HSD17B12: variants seen among roughly 807,000 people sequenced by gnomAD.
HSD17B12 encodes very-long-chain 3-oxoacyl-CoA reductase.
Under a neutral mutation model 39.3 loss-of-function variants are expected in HSD17B12, and 32 were observed. The observed-to-expected ratio is 0.81, with a 90% CI of 0.61 to 1.09. HSD17B12 has a LOEUF of 1.09. Ranked by LOEUF, HSD17B12 falls within the 50% of genes least tolerant of loss-of-function variation. HSD17B12 has a pLI of 0.00. For synonymous variants in HSD17B12, 150 were observed against 146.7 expected, an observed-to-expected ratio of 1.02 and a Z score of -0.16; for missense variants, 342 against 382.9, an observed-to-expected ratio of 0.89 and a Z score of 0.89.
At chr11:43,828,182 G>A (rs1203400234) in intron 6 of HSD17B12, among the ~76,000 whole-genome samples, 2 of 138,050 alleles carry the variant, frequency 1.4e-5, no homozygotes, top group Admixed American at 7.9e-5. Flanking sequence ...TCGCTCTGTC[G>A]CCCAGGCTGG....
the HSD17B12 span, among the ~76,000 whole-genome samples, chr11:43,602,147 C>A: frequency 6.6e-6 from 1 of 152,170 alleles, no homozygotes; most frequent in Admixed American, 6.5e-5. Flanking sequence ...ATCTGTCTTG[C>A]TTCAGTCTCT....
chr11:43,823,998 G>A (rs757676906), intron 6 of HSD17B12, among the ~76,000 whole-genome samples: 3 of 152,082 alleles, frequency 2.0e-5, no homozygotes, highest in Non-Finnish European at 4.4e-5. Context: ...GGTGGCTGAC[G>A]AACACATTTT....
upstream of HSD17B12, among the ~76,000 whole-genome samples, chr11:43,679,558 C>G (rs12364003): frequency 0.061 from 9,273 of 152,216 alleles, 331 homozygotes; most frequent in South Asian, 0.12. Context: ...TCTATCTGGA[C>G]TTCACACTTC....
chr11:43,773,596 A>G (rs1175586072), intron 3 of HSD17B12, among the ~76,000 whole-genome samples: 1 of 152,188 alleles, frequency 6.6e-6, no homozygotes, highest in East Asian at 1.9e-4. Flanking sequence ...AACAGAAGGT[A>G]AAGAGACTTC....
At chr11:43,698,314 A>G (rs1298592676) in intron 1 of HSD17B12, among the ~76,000 whole-genome samples, 1 of 152,198 alleles carries the variant, frequency 6.6e-6, no homozygotes, top group African/African-American at 2.4e-5. Context: ...CTTACTGTAG[A>G]TTCGCACCAA....
At chr11:43,706,812 TAA>T (rs1162559080) in intron 1 of HSD17B12, among the ~76,000 whole-genome samples, 1 of 152,050 alleles carries the variant, frequency 6.6e-6, no homozygotes, top group Non-Finnish European at 1.5e-5. Flanking sequence ...TTCCTGTGTT[TAA>T]GGTACAGTAT....
At chr11:43,828,384 C>T (rs1480142260) in intron 6 of HSD17B12, among the ~76,000 whole-genome samples, 1 of 126 alleles carries the variant, frequency 7.9e-3, no homozygotes, top group Admixed American at 0.1. Flanking sequence ...CCTCGTGATC[C>T]GCCGCCTCGG....
At chr11:43,560,055 T>A in the HSD17B12 span, among the ~76,000 whole-genome samples, 1 of 152,210 alleles carries the variant, frequency 6.6e-6, no homozygotes, top group Admixed American at 6.5e-5. Context: ...CATGTGGTGC[T>A]AAATAAAAAT....
the HSD17B12 span, among the ~76,000 whole-genome samples, chr11:43,627,625 T>G: frequency 1.3e-5 from 2 of 152,020 alleles, no homozygotes; most frequent in African/African-American, 4.8e-5. Flanking sequence ...TTGCTTTCTT[T>G]AGATTTTGAT....
chr11:43,760,818 G>A (rs1444773148), intron 3 of HSD17B12, among the ~76,000 whole-genome samples: 2 of 152,178 alleles, frequency 1.3e-5, no homozygotes, highest in Middle Eastern at 3.2e-3. Context: ...ACCACATGAT[G>A]TTAGGATTAG....
At chr11:43,721,373 C>T (rs575687163) in intron 1 of HSD17B12, among the ~76,000 whole-genome samples, 33 of 152,142 alleles carry the variant, frequency 2.2e-4, no homozygotes, top group East Asian at 1.5e-3. Context: ...AATCTCAGCA[C>T]GTTTGGAGGC....
At chr11:43,596,368 GA>G in the HSD17B12 span, among the ~76,000 whole-genome samples, 1 of 150,774 alleles carries the variant, frequency 6.6e-6, no homozygotes, top group African/African-American at 2.4e-5. Context: ...AAAACAAACA[GA>G]AAAAAAAAGA....
intron 9 of HSD17B12, 88 bp downstream of exon 9, chr11:43,840,152 C>T (rs1356072524): frequency 1.9e-6 from 2 of 1,033,096 alleles, no homozygotes; most frequent in Non-Finnish European, 1.5e-6. Flanking sequence ...CAAAAAAAAT[C>T]ATATTCCTAA....
chr11:43,666,000 G>C, the HSD17B12 span, among the ~76,000 whole-genome samples: 3 of 152,210 alleles, frequency 2.0e-5, no homozygotes, highest in African/African-American at 7.2e-5. Flanking sequence ...ATGGTTGTAT[G>C]TGGTTAACCA....
chr11:43,638,740 T>C, the HSD17B12 span, among the ~76,000 whole-genome samples: 2 of 152,212 alleles, frequency 1.3e-5, no homozygotes, highest in Admixed American at 1.3e-4. Context: ...AATAAGTTTA[T>C]GCCTAATGCT....
intron 3 of HSD17B12, among the ~76,000 whole-genome samples, chr11:43,771,291 A>G (rs928249654): frequency 1.3e-5 from 2 of 152,056 alleles, no homozygotes; most frequent in Non-Finnish European, 2.9e-5. Flanking sequence ...TTATGAATGT[A>G]TTACAATTTA....
chr11:43,831,073 A>G lies in HSD17B12; in HGVS notation c.536+63A>G. The G allele has an allele frequency of 6.8e-7, 1 of 1,462,718 alleles. No homozygotes were observed. Among genetic ancestry groups the G allele is most frequent in the Non-Finnish European group, 9.4e-7 (1 of 1,067,070 alleles). 90.6% of individuals were successfully genotyped at this position (1,462,718 alleles called of 1,614,324 possible). ...GAGCTCATGATTATTTAGAGGGAGA[A>G]TCCTTGCTTTGAAAAAATCACTGAA... On this transcript the variant is annotated intron_variant, in intron 7 of 10. Transcript: ENST00000278353. The surrounding 1 kb of genome is among the most constrained non-coding windows in gnomAD (Gnocchi z 4.1).
the HSD17B12 span, among the ~76,000 whole-genome samples, chr11:43,659,325 G>A: frequency 6.6e-6 from 1 of 152,188 alleles, no homozygotes; most frequent in Non-Finnish European, 1.5e-5. Context: ...GGAATTCCCT[G>A]ACCCCTTGTG....
chr11:43,842,875 A>T (rs973559077), intron 9 of HSD17B12, among the ~76,000 whole-genome samples: 1 of 152,246 alleles, frequency 6.6e-6, no homozygotes, highest in African/African-American at 2.4e-5. Flanking sequence ...GTGAACAGAC[A>T]ATCAATTTCT....
Sources: gnomAD v4.1 joint callset for allele counts (sites outside exome capture counted in the v4.1 genomes callset) on GRCh38, gnomAD v4.1.1 for gene constraint, Gnocchi (gnomAD v3.1) non-coding constraint, MANE v1.5 for transcripts, NCBI Gene and HGNC (gene_info 2026-07-23, HGNC 2026-07-21) for gene names.